Variants in NAA11 observed in about 807,000 individuals in gnomAD.
NAA11 encodes the protein N-alpha-acetyltransferase 11, NatA catalytic subunit, also known as N-alpha-acetyltransferase 11.
Under a neutral mutation model 16.1 loss-of-function variants are expected in NAA11, and 15 were observed. That is an observed-to-expected ratio of 0.93 (90% CI 0.62 to 1.44). NAA11 has a LOEUF of 1.44. Among genes scored for constraint, NAA11 ranks in the 40% most tolerant of loss-of-function variants. The probability of loss-of-function intolerance (pLI) is 0.00; values close to 1 mark genes in which losing one functional copy is unlikely to be tolerated. For synonymous variants in NAA11, 122 were observed against 112.4 expected, an observed-to-expected ratio of 1.09 and a Z score of -0.54; for missense variants, 298 against 291.3, an observed-to-expected ratio of 1.02 and a Z score of -0.17.
Position 79,306,491 on chromosome 4 carries a change from G to T in NAA11, c.*13-12377C>A, listed in dbSNP as rs182716135. 2.6e-5 allele frequency among the ~76,000 whole-genome samples: 4 copies of T among 152,150 alleles called. No homozygotes were observed. The East Asian group carries it at 7.7e-4, about 29-fold the overall frequency. On this transcript the variant is annotated intron_variant and NMD_transcript_variant, in intron 1 of 2. Coordinates refer to the NAA11 transcript ENST00000511542. ...AATCAGATTTGGGCCCATCCTAATG[G>T]CTTCATTTTAAGTTAATTATTTCTT...
chr4:79,189,288 C>CGGATCCAAAG, the NAA11 span, among the ~76,000 whole-genome samples: 1 of 151,716 alleles, frequency 6.6e-6, no homozygotes, highest in Admixed American at 6.6e-5. Context: ...ATCAAGCTAA[C>CGGATCCAAAG]GGATCCAAAG....
intron 2 of NAA11, among the ~76,000 whole-genome samples, chr4:79,252,675 A>G (rs1189639771): frequency 6.6e-6 from 1 of 152,186 alleles, no homozygotes; most frequent in Non-Finnish European, 1.5e-5. Context: ...AAGTATGTCC[A>G]AAGAAAATTC....
the NAA11 span, among the ~76,000 whole-genome samples, chr4:79,193,319 T>TA: frequency 6.6e-6 from 1 of 152,196 alleles, no homozygotes; most frequent in Non-Finnish European, 1.5e-5. Context: ...TCCTGAATGG[T>TA]ATTGCCTAGG....
chr4:79,204,908 C>G, the NAA11 span, among the ~76,000 whole-genome samples: 1 of 140,602 alleles, frequency 7.1e-6, no homozygotes, highest in Admixed American at 7.4e-5. Flanking sequence ...CTTTTTATGG[C>G]TAATATTCCA....
At chr4:79,303,205 G>C (rs1723464788) in intron 1 of NAA11, among the ~76,000 whole-genome samples, 1 of 149,214 alleles carries the variant, frequency 6.7e-6, no homozygotes, top group Admixed American at 6.7e-5. Flanking sequence ...TAAATGTACA[G>C]GTCAGTTTTT....
the NAA11 span, among the ~76,000 whole-genome samples, chr4:79,217,949 G>A: frequency 1.3e-5 from 2 of 152,120 alleles, no homozygotes; most frequent in Non-Finnish European, 2.9e-5. Context: ...AGAAGTGTCT[G>A]ATATTACTTT....
chr4:79,210,707 C>T, the NAA11 span, among the ~76,000 whole-genome samples: 4 of 152,042 alleles, frequency 2.6e-5, no homozygotes, highest in East Asian at 1.9e-4. Context: ...CCTGGGTTAG[C>T]GGCAGCGTAA....
intron 1 of NAA11, among the ~76,000 whole-genome samples, chr4:79,319,866 A>G (rs1459195985): frequency 1.3e-5 from 2 of 152,168 alleles, no homozygotes; most frequent in East Asian, 1.9e-4. Flanking sequence ...CATTCCAGTT[A>G]TAATTAGTTG....
chr4:79,224,127 C>A (rs956698324), downstream of NAA11, among the ~76,000 whole-genome samples: 1 of 151,954 alleles, frequency 6.6e-6, no homozygotes, highest in Non-Finnish European at 1.5e-5. Flanking sequence ...AACCACAGGG[C>A]GGTAGTCAAG....
At chr4:79,283,580 C>T (rs1314667714) in intron 2 of NAA11, among the ~76,000 whole-genome samples, 1 of 151,506 alleles carries the variant, frequency 6.6e-6, no homozygotes, top group African/African-American at 2.4e-5. Context: ...AATTTCAAGT[C>T]TGGGTAACGA....
At chr4:79,183,682 C>T in the NAA11 span, among the ~76,000 whole-genome samples, 2 of 150,960 alleles carry the variant, frequency 1.3e-5, no homozygotes, top group African/African-American at 4.9e-5. Flanking sequence ...GGCTTTTATT[C>T]TGCCTGTCAT....
intron 1 of NAA11, among the ~76,000 whole-genome samples, chr4:79,321,608 G>A (rs1228733263): frequency 6.6e-6 from 1 of 152,006 alleles, no homozygotes. Context: ...CTGAAATCTG[G>A]CAATTCTTTA....
chr4:79,241,342 T>C (rs1560415672), intron 2 of NAA11, among the ~76,000 whole-genome samples: 2 of 152,244 alleles, frequency 1.3e-5, no homozygotes, highest in African/African-American at 4.8e-5. Flanking sequence ...TAACTGTTAA[T>C]GTTATTGGTA....
chr4:79,222,119 C>G (rs1363025006), downstream of NAA11, among the ~76,000 whole-genome samples: 17 of 151,364 alleles, frequency 1.1e-4, no homozygotes, highest in East Asian at 5.8e-4. Context: ...TGTATGTGTC[C>G]AGGAATGTAT....
At chr4:79,214,627 G>A in the NAA11 span, among the ~76,000 whole-genome samples, 2 of 152,010 alleles carry the variant, frequency 1.3e-5, no homozygotes, top group African/African-American at 4.8e-5. Flanking sequence ...GTGAAACCCT[G>A]TCTATACTAA....
the NAA11 span, among the ~76,000 whole-genome samples, chr4:79,205,244 A>G: frequency 9.9e-5 from 15 of 151,976 alleles, no homozygotes; most frequent in Admixed American, 2.6e-4. Flanking sequence ...AAATCTCCAC[A>G]TTGTTTTCCA....
intron 2 of NAA11, among the ~76,000 whole-genome samples, chr4:79,246,377 T>TAAAAAAAA (rs869224539): frequency 3.1e-4 from 7 of 22,448 alleles, no homozygotes; most frequent in Admixed American, 5.1e-4. Flanking sequence ...CAATAAATAC[T>TAAAAAAAA]AAAAAAAAAA....
chr4:79,166,142 AGAGAC>A, the NAA11 span, among the ~76,000 whole-genome samples: 2 of 152,198 alleles, frequency 1.3e-5, no homozygotes, highest in Non-Finnish European at 2.9e-5. Context: ...TCTCAAGATC[AGAGAC>A]ATAGTTGGGC....
chr4:79,275,533 AAT>A (rs1437782800), intron 2 of NAA11, among the ~76,000 whole-genome samples: 17 of 152,086 alleles, frequency 1.1e-4, no homozygotes, highest in African/African-American at 3.9e-4. Context: ...AAAAATGTAT[AAT>A]GAGTTCTTCC....
Sources: allele counts gnomAD v4.1 joint callset (sites outside exome capture counted in the v4.1 genomes callset), GRCh38; gene constraint gnomAD v4.1.1; transcripts MANE v1.5; gene names NCBI Gene and HGNC (gene_info 2026-07-23, HGNC 2026-07-21).